Variants in SLC4A7 observed in about 807,000 individuals in gnomAD.
SLC4A7 encodes the protein sodium bicarbonate cotransporter 3.
In SLC4A7, 51 loss-of-function variants were observed where a neutral mutation model predicts 137.6. The ratio of observed to expected loss-of-function variants is 0.37; its 90% CI spans 0.30 to 0.47. SLC4A7 has a LOEUF of 0.47. SLC4A7 is among the 20% of genes least tolerant of loss of function. The pLI is 1.00. For missense variants in SLC4A7, 1,247 were observed against 1,525.4 expected, an observed-to-expected ratio of 0.82 and a Z score of 3.04; for synonymous variants, 542 against 518.6, an observed-to-expected ratio of 1.05 and a Z score of -0.61.
intron 3 of SLC4A7, among the ~76,000 whole-genome samples, chr3:27,447,289 T>C (rs1359941558): frequency 6.6e-6 from 1 of 152,198 alleles, no homozygotes; most frequent in Non-Finnish European, 1.5e-5. Context: ...AAGATGGTTA[T>C]ATATTAAAAA....
chr3:27,484,135 G>GGCCA lies in SLC4A7; in HGVS notation c.-13_-10dup. The stretch of plus-strand genomic sequence containing the variant: ...GCCCCATCAGCCTCCATGGCCGGCC[G>GGCCA]GCCAGCCCGTGACGGCCGCTACGGT... On this transcript the variant is annotated 5_prime_UTR_variant, in exon 1 of 26. Transcript: ENST00000454389. 1 of 1,372,042 alleles carries GGCCA rather than the reference G, an allele frequency of 7.3e-7. No individual in the cohort carries two copies. The highest frequency in any genetic ancestry group is 9.4e-7 in the Non-Finnish European group (1 of 1,058,850). 85.0% of individuals were successfully genotyped at this position (1,372,042 alleles called of 1,614,324 possible).
intron 1 of SLC4A7, among the ~76,000 whole-genome samples, chr3:27,464,002 T>C (rs1045408305): frequency 2.4e-4 from 37 of 151,898 alleles, no homozygotes; most frequent in African/African-American, 8.5e-4. Flanking sequence ...CTGGGCAACA[T>C]AGTGAAACCC....
chr3:27,443,298 G>A (rs1249260980), intron 3 of SLC4A7, among the ~76,000 whole-genome samples: 1 of 151,954 alleles, frequency 6.6e-6, no homozygotes, highest in Non-Finnish European at 1.5e-5. Flanking sequence ...TCAAAGTGCT[G>A]GAATTACAGG....
chr3:27,390,813 T>C (rs113449813), intron 21 of SLC4A7, among the ~76,000 whole-genome samples: 1,632 of 152,246 alleles, frequency 0.011, 10 homozygotes, highest in South Asian at 0.021. Context: ...TGATCGTTTT[T>C]TTTGTGTGTG....
At chr3:27,406,638 A>G (rs1161165455) in intron 13 of SLC4A7, among the ~76,000 whole-genome samples, 8 of 152,158 alleles carry the variant, frequency 5.3e-5, no homozygotes, top group Non-Finnish European at 1.2e-4. Flanking sequence ...AAGTCAAAGG[A>G]AAAAAATGGG....
chr3:27,451,455 C>A (rs1182540769), intron 2 of SLC4A7, among the ~76,000 whole-genome samples: 1 of 152,092 alleles, frequency 6.6e-6, no homozygotes, highest in Non-Finnish European at 1.5e-5. Flanking sequence ...AACATTACTT[C>A]TGTGGTATGC....
intron 1 of SLC4A7, among the ~76,000 whole-genome samples, chr3:27,466,131 C>A (rs986980523): frequency 6.6e-6 from 1 of 151,880 alleles, no homozygotes; most frequent in African/African-American, 2.4e-5. Context: ...AGCAGAGGGC[C>A]CATGTTTTCT....
chr3:27,479,277 G>A (rs1030329283), intron 1 of SLC4A7, among the ~76,000 whole-genome samples: 5 of 152,000 alleles, frequency 3.3e-5, no homozygotes, highest in African/African-American at 4.8e-5. Context: ...TTAGCCAGAC[G>A]TGGTGGTGTG....
intron 20 of SLC4A7, among the ~76,000 whole-genome samples, chr3:27,393,961 C>G (rs949656937): frequency 6.6e-6 from 1 of 152,048 alleles, no homozygotes; most frequent in African/African-American, 2.4e-5. Flanking sequence ...GAGGTCATTT[C>G]CCCTCCCCCA....
chr3:27,382,595 A>C (rs2050537950), intron 24 of SLC4A7, among the ~76,000 whole-genome samples: 1 of 152,240 alleles, frequency 6.6e-6, no homozygotes, highest in Non-Finnish European at 1.5e-5. Context: ...TGAATTATAC[A>C]TAAAATATTA....
intron 7 of SLC4A7, among the ~76,000 whole-genome samples, chr3:27,428,965 T>C (rs1384160203): frequency 6.6e-6 from 1 of 152,178 alleles, no homozygotes; most frequent in African/African-American, 2.4e-5. Context: ...TCATACTTTA[T>C]AGCCCTTAAG....
At chr3:27,470,356 T>C (rs1317616988) in intron 1 of SLC4A7, among the ~76,000 whole-genome samples, 1 of 152,066 alleles carries the variant, frequency 6.6e-6, no homozygotes, top group African/African-American at 2.4e-5. Flanking sequence ...ATGGAACAAG[T>C]AAGCTACTAT....
At position 27,379,299 on chromosome 3, in the gene SLC4A7, C is replaced by T; in HGVS notation, c.3648G>A (p.Lys1216=). The T allele has an allele frequency of 6.5e-7, 1 of 1,535,870 alleles. No individual in the cohort carries two copies. The highest frequency in any genetic ancestry group is 8.7e-7 in the Non-Finnish European group (1 of 1,146,560). Reference sequence around the variant, plus strand: ...CATTCTCAGTATTCATGGAAAGTGCCTTCCACTGTGCAGTTTTGGCCATTT... The same window carrying T: ...CATTCTCAGTATTCATGGAAAGTGCTTTCCACTGTGCAGTTTTGGCCATTT... ...SDEMAKTAQW[K]ALSMNTENAK... The change falls in exon 25 of 26, where the codon AAG becomes AAA. Residue 1216 remains lysine, a synonymous_variant. Coordinates refer to ENST00000454389, the MANE Select transcript of SLC4A7 (RefSeq NM_001321103.2).
chr3:27,443,523 C>A (rs1202762910), intron 3 of SLC4A7, among the ~76,000 whole-genome samples: 1 of 151,516 alleles, frequency 6.6e-6, no homozygotes, highest in East Asian at 1.9e-4. Context: ...TTTATTCATT[C>A]TCCTGGAATT....
At chr3:27,452,992 A>G in intron 1 of SLC4A7, among the ~76,000 whole-genome samples, 1 of 152,214 alleles carries the variant, frequency 6.6e-6, no homozygotes, top group East Asian at 1.9e-4. Context: ...ATTAATCAAG[A>G]GCTAACAAAA....
intron 1 of SLC4A7, among the ~76,000 whole-genome samples, chr3:27,459,709 A>G (rs985356094): frequency 7.2e-5 from 11 of 152,178 alleles, no homozygotes; most frequent in African/African-American, 2.4e-4. Context: ...ATCTGTAAAC[A>G]GTAGGAAAAT....
chr3:27,477,352 TTTAATCACTTATTATTATCTCTGTG>T (rs1162402245), intron 1 of SLC4A7, among the ~76,000 whole-genome samples: 1 of 152,230 alleles, frequency 6.6e-6, no homozygotes, highest in African/African-American at 2.4e-5. Flanking sequence ...AGGTCTCTCA[TTTAATCACTTATTATTATCTCTGTG>T]TTAAAGATGT....
rs1559750605 is a variant in SLC4A7 at position 27,431,561 on chromosome 3, G to A, written c.887C>T (p.Pro296Leu). The change falls in exon 7 of 26, where the codon CCT (proline) becomes CTT (leucine). Residue 296 changes from proline (P) to leucine (L), a missense_variant. By Grantham distance (98) the Pro-to-Leu change is moderately conservative. Around this residue, in one of 6 missense-constraint regions of SLC4A7, gnomAD observed 223 missense variants for 203.6 expected, o/e 1.10. Coordinates refer to ENST00000454389, the MANE Select transcript of SLC4A7 (RefSeq NM_001321103.2). Reference protein sequence around the residue: ...PLSLLLGHLLPSSRAGTPAGS... With the variant: ...PLSLLLGHLLLSSRAGTPAGS... ...TGCAGGGGTTCCAGCTCTTGAAGAAGGAAGAAGATGACCAAGAAGAAGAGA... is the reference window on the plus strand; with the variant it reads ...TGCAGGGGTTCCAGCTCTTGAAGAAAGAAGAAGATGACCAAGAAGAAGAGA... 3 of 1,614,056 alleles carry A rather than the reference G, an allele frequency of 1.9e-6. No individual in the cohort carries two copies. Among genetic ancestry groups the A allele is most frequent in the Non-Finnish European group, 2.5e-6 (3 of 1,179,990 alleles).
chr3:27,389,624 C>G (rs963849436), intron 22 of SLC4A7, among the ~76,000 whole-genome samples: 4 of 151,950 alleles, frequency 2.6e-5, no homozygotes, highest in Non-Finnish European at 5.9e-5. Context: ...GTTTTGGTTC[C>G]TTTGCTTTTA....
Sources: gnomAD v4.1 joint callset for allele counts (sites outside exome capture counted in the v4.1 genomes callset) on GRCh38, gnomAD v4.1.1 for gene constraint, gnomAD v4.1.1 regional missense constraint, MANE v1.5 for transcripts, NCBI Gene and HGNC (gene_info 2026-07-23, HGNC 2026-07-21) for gene names.